ONECUT1: variants seen among roughly 807,000 people sequenced by gnomAD.
ONECUT1 encodes one cut homeobox 1, also known as hepatocyte nuclear factor 6.
ONECUT1 carries 12 observed loss-of-function variants against 25.6 expected under a neutral mutation model. The observed-to-expected ratio is 0.47, with a 90% CI of 0.30 to 0.76. The LOEUF is 0.76. Ranked by LOEUF, ONECUT1 falls within the 30% of genes least tolerant of loss-of-function variation. The pLI is 0.07. For missense variants in ONECUT1, 620 were observed against 651.2 expected (o/e 0.95, Z 0.52); for synonymous variants, 285 against 270.2 (o/e 1.05, Z -0.54).
Position 52,786,168 on chromosome 15 carries a change from A to G in ONECUT1, c.1105+2612T>C, listed in dbSNP as rs150030307. ...CTGCAATCCATTTTAAGGCTCATGC[A>G]CTTGGCCCGTTAGAGATCATTTGGA... On this transcript the variant is annotated intron_variant, in intron 1 of 1. Coordinates refer to ENST00000305901, the MANE Select transcript of ONECUT1 (RefSeq NM_004498.4). Among the ~76,000 whole-genome samples the G allele has an allele frequency of 4.2e-3, 642 of 152,358 alleles. 35 individuals carry two copies. In the South Asian group the frequency reaches 0.084, roughly 20 times the overall value.
At chr15:52,780,928 TG>T (rs1269230016) in intron 1 of ONECUT1, 1 of 1,250,690 alleles carries the variant, frequency 8.0e-7, no homozygotes, top group East Asian at 3.4e-5. Flanking sequence ...ACATGGTGAC[TG>T]GAAACATGCA....
At chr15:52,783,492 C>A (rs1239034752) in intron 1 of ONECUT1, among the ~76,000 whole-genome samples, 1 of 152,336 alleles carries the variant, frequency 6.6e-6, no homozygotes, top group Non-Finnish European at 1.5e-5. Context: ...GGCGTCAGGG[C>A]GGTGGGACCC....
At position 52,789,599 on chromosome 15, in the gene ONECUT1, C is replaced by A; in HGVS notation, c.286G>T (p.Gly96Cys). The change falls in exon 1 of 2, where the codon GGT (glycine) becomes TGT (cysteine). Residue 96 changes from glycine (G) to cysteine (C), a missense_variant. By Grantham distance (159) the Gly-to-Cys change is radical. This residue lies in a region of ONECUT1 where 440 missense variants were observed against 404.9 expected (regional missense o/e 1.09). Coordinates refer to ENST00000305901, the MANE Select transcript of ONECUT1 (RefSeq NM_004498.4). The surrounding 1 kb of genome is among the most constrained non-coding windows in gnomAD (Gnocchi z 4.1). The stretch of plus-strand genomic sequence containing the variant: ...GTGTAGGTGGTGGGCATGCTCATAC[C>A]TGGGGGAGTCTCGCAGGCCATGGTC... ...TMTMACETPP[G>C]MSMPTTYTTL... 1.3e-6 allele frequency: 2 copies of A among 1,569,128 alleles called. No individual in the cohort carries two copies. The highest frequency in any genetic ancestry group is 1.7e-6 in the Non-Finnish European group (2 of 1,155,166).
At chr15:52,771,875 T>C (rs562373753) in intron 1 of ONECUT1, among the ~76,000 whole-genome samples, 2 of 152,334 alleles carry the variant, frequency 1.3e-5, no homozygotes, top group East Asian at 3.9e-4. Flanking sequence ...CTCCATACTT[T>C]GGCAAAAACA....
chr15:52,789,450 C>T lies in ONECUT1; in HGVS notation c.435G>A (p.Val145=). The T allele has an allele frequency of 6.2e-7, 1 of 1,613,746 alleles. No homozygotes were observed. Among genetic ancestry groups the T allele is most frequent in the Non-Finnish European group, 8.5e-7 (1 of 1,179,982 alleles). Residue 145 remains valine (V), a synonymous_variant, in exon 1 of 2, where the codon GTG becomes GTA. Coordinates refer to ENST00000305901, the MANE Select transcript of ONECUT1 (RefSeq NM_004498.4). The surrounding 1 kb of genome is among the most constrained non-coding windows in gnomAD (Gnocchi z 4.1). The part of the protein sequence containing the change: ...PHHHQRLAGN[V]SGSFTLMRDE... ...CCCGCATGAGCGTGAAGCTACCGCTCACGTTGCCCGCCAGGCGCTGGTGGT... is the reference window on the plus strand; with the variant it reads ...CCCGCATGAGCGTGAAGCTACCGCTTACGTTGCCCGCCAGGCGCTGGTGGT...
In ONECUT1 at chr15:52,755,583, G is replaced by A. The variant is rs1248534742; in HGVS notation, c.*1972C>T. Among the ~76,000 whole-genome samples the A allele has an allele frequency of 6.6e-6, 1 of 152,202 alleles. No homozygotes were observed. The highest frequency in any genetic ancestry group is 1.5e-5 in the Non-Finnish European group (1 of 68,034). On this transcript the variant is annotated 3_prime_UTR_variant, in exon 2 of 2. Coordinates refer to ENST00000305901, the MANE Select transcript of ONECUT1 (RefSeq NM_004498.4). ...TTGGTTTTGCTTTACCTCTCTAGTT[G>A]CCTGCCTGTTACAGACCTAGACAAG...
At chr15:52,761,903 T>C (rs1400689230) in intron 1 of ONECUT1, among the ~76,000 whole-genome samples, 3 of 152,228 alleles carry the variant, frequency 2.0e-5, no homozygotes, top group South Asian at 4.1e-4. Flanking sequence ...ATGGAACAAA[T>C]TGCATTGGAT....
intron 1 of ONECUT1, among the ~76,000 whole-genome samples, chr15:52,780,389 C>A (rs1284236601): frequency 6.6e-6 from 1 of 152,200 alleles, no homozygotes; most frequent in Non-Finnish European, 1.5e-5. Context: ...ACCCAGCTCA[C>A]TGGATTAATG....
rs535097945 is a variant in ONECUT1, at chr15:52,775,676, A to G, written c.1105+13104T>C. Among the ~76,000 whole-genome samples, 49 of 152,312 alleles carry G rather than the reference A, an allele frequency of 3.2e-4. 1 individual carries two copies. The South Asian group carries it at 5.6e-3, about 17-fold the overall frequency. Reference sequence around the variant, plus strand: ...TGTGCATTTAGTATATGTTCAAAATATTTATTAATTAAAAACAATTCTTTA... The same window carrying G: ...TGTGCATTTAGTATATGTTCAAAATGTTTATTAATTAAAAACAATTCTTTA... On this transcript the variant is annotated intron_variant, in intron 1 of 1. Coordinates refer to ENST00000305901, the MANE Select transcript of ONECUT1 (RefSeq NM_004498.4).
rs1325203290 is a variant in ONECUT1 at position 52,789,234 on chromosome 15, G to A, written c.651C>T (p.Gly217=). 2 of 1,551,086 alleles carry A rather than the reference G, an allele frequency of 1.3e-6. No individual in the cohort carries two copies. Among genetic ancestry groups the A allele is most frequent in the South Asian group, 2.4e-5 (2 of 82,062 alleles). The change falls in exon 1 of 2, where the codon GGC becomes GGT. Residue 217 remains glycine, a synonymous_variant. Transcript: ENST00000305901. This position sits in a 1 kb window ranked among gnomAD's most constrained non-coding sequence, Gnocchi z 4.1. ...MPTDKMLTPN[G]FEAHHPAMLG... ...GCATGGCCGGGTGGTGGGCTTCGAA[G>A]CCGTTGGGGGTGAGCATCTTGTCGG...
chr15:52,755,263 C>T lies in ONECUT1; in HGVS notation c.*2292G>A, dbSNP rs944899772. 3.3e-5 allele frequency among the ~76,000 whole-genome samples: 5 copies of T among 152,100 alleles called. No homozygotes were observed. Among genetic ancestry groups the T allele is most frequent in the Admixed American group, 6.5e-5 (1 of 15,274 alleles). ...TAGCTGTATCCCCGGCTCCCTCCATCCCTGGAGAGAGAGAAAATGTTAATC... is the reference window on the plus strand; with the variant it reads ...TAGCTGTATCCCCGGCTCCCTCCATTCCTGGAGAGAGAGAAAATGTTAATC... On this transcript the variant is annotated 3_prime_UTR_variant, in exon 2 of 2. Transcript: ENST00000305901.
intron 1 of ONECUT1, among the ~76,000 whole-genome samples, chr15:52,783,122 C>G (rs1291633879): frequency 6.6e-6 from 1 of 152,134 alleles, no homozygotes; most frequent in Non-Finnish European, 1.5e-5. Flanking sequence ...TTAAAGACCT[C>G]GTAGATTAGA....
At position 52,757,175 on chromosome 15, in the gene ONECUT1, C is replaced by A. The variant is rs142611685; in HGVS notation, c.*380G>T. The A allele has an allele frequency of 2.0e-3, 422 of 206,892 alleles. 1 individual carries two copies. The highest frequency in any genetic ancestry group is 9.6e-3 in the African/African-American group (405 of 42,302). 12.8% of individuals were successfully genotyped at this position (206,892 alleles called of 1,614,324 possible). A position where few individuals can be genotyped will look rare whatever the true frequency, so the allele number is the denominator to read the frequency against. The stretch of plus-strand genomic sequence containing the variant: ...ACTGGTGGTGGTAGTACTGAGACAC[C>A]ATACACCTTCGTGGCATGGTAGAAC... On this transcript the variant is annotated 3_prime_UTR_variant, in exon 2 of 2. Transcript: ENST00000305901.
In ONECUT1 at chr15:52,757,323, G is replaced by C. The variant is rs1431637657; in HGVS notation, c.*232C>G. The C allele has an allele frequency of 9.6e-6, 5 of 521,464 alleles. 1 individual carries two copies. Among genetic ancestry groups the C allele is most frequent in the Non-Finnish European group, 1.7e-5 (5 of 298,372 alleles). 32.3% of individuals were successfully genotyped at this position (521,464 alleles called of 1,614,324 possible). Reference sequence around the variant, plus strand: ...GATTGAAGGTGTGAGATCCAGTGGTGTTTTCCTGCTCATCATTTGTCTTGC... The same window carrying C: ...GATTGAAGGTGTGAGATCCAGTGGTCTTTTCCTGCTCATCATTTGTCTTGC... On this transcript the variant is annotated 3_prime_UTR_variant, in exon 2 of 2. Transcript: ENST00000305901.
At chr15:52,780,505 T>C in intron 1 of ONECUT1, 2 of 1,317,776 alleles carry the variant, frequency 1.5e-6, no homozygotes, top group South Asian at 2.6e-5. Context: ...TGTCTTTGTC[T>C]AGCATAAGTA....
intron 1 of ONECUT1, among the ~76,000 whole-genome samples, chr15:52,764,289 T>C (rs912409027): frequency 2.0e-5 from 3 of 152,220 alleles, no homozygotes; most frequent in Non-Finnish European, 4.4e-5. Context: ...TCCGTGGATA[T>C]GCACCTGCAA....
chr15:52,774,122 T>TACACACACACAC (rs35891922), intron 1 of ONECUT1, among the ~76,000 whole-genome samples: 99 of 137,772 alleles, frequency 7.2e-4, no homozygotes, highest in East Asian at 2.4e-3. Flanking sequence ...ATTGGAAGGA[T>TACACACACACAC]ACACACACAC....
At chr15:52,780,922 G>T in intron 1 of ONECUT1, 1 of 1,261,950 alleles carries the variant, frequency 7.9e-7, no homozygotes, top group Non-Finnish European at 1.0e-6. Flanking sequence ...AGAAACACAT[G>T]GTGACTGGAA....
intron 1 of ONECUT1, among the ~76,000 whole-genome samples, chr15:52,761,645 T>C (rs72740265): frequency 0.12 from 17,984 of 152,182 alleles, 1,390 homozygotes; most frequent in East Asian, 0.37. Flanking sequence ...TACCACAGCC[T>C]GGGCAAGAGA....
Sources: gnomAD v4.1 joint callset for allele counts (sites outside exome capture counted in the v4.1 genomes callset) on GRCh38, gnomAD v4.1.1 for gene constraint, gnomAD v4.1.1 regional missense constraint, Gnocchi (gnomAD v3.1) non-coding constraint, MANE v1.5 for transcripts, NCBI Gene and HGNC (gene_info 2026-07-23, HGNC 2026-07-21) for gene names.